HERC3: variants seen among roughly 807,000 people sequenced by gnomAD.
HERC3 encodes the protein probable E3 ubiquitin-protein ligase HERC3.
In HERC3, 58 loss-of-function variants were observed where a neutral mutation model predicts 129.9. That is an observed-to-expected ratio of 0.45 (90% CI 0.36 to 0.56). HERC3 has a LOEUF of 0.56. Ranked by LOEUF, HERC3 falls within the 20% of genes least tolerant of loss-of-function variation. HERC3 has a pLI of 0.00. For missense variants in HERC3, 835 were observed against 1,244.2 expected (o/e 0.67, Z 4.95); for synonymous variants, 430 against 451.0 (o/e 0.95, Z 0.59).
intron 23 of HERC3, chr4:88,690,468 A>G (rs1733961585): frequency 2.0e-6 from 2 of 985,274 alleles, no homozygotes; most frequent in African/African-American, 1.7e-5. Flanking sequence ...TAAGTTTCAG[A>G]CAAGATAATG....
the HERC3 span, among the ~76,000 whole-genome samples, chr4:88,560,522 C>G: frequency 1.3e-5 from 2 of 151,996 alleles, no homozygotes; most frequent in Non-Finnish European, 2.9e-5. Flanking sequence ...ATATTTTTTC[C>G]CAAACCATAG....
At chr4:88,655,432 A>G (rs1200294378) in intron 8 of HERC3, 128 bp downstream of exon 8, 13 of 1,046,624 alleles carry the variant, frequency 1.2e-5, no homozygotes, top group Admixed American at 1.1e-4. Context: ...ATGCACGCCT[A>G]TGGTGAAATG....
chr4:88,677,925 G>A, intron 18 of HERC3, 39 bp from the exon 19 acceptor site: 1 of 1,590,142 alleles, frequency 6.3e-7, no homozygotes, highest in Non-Finnish European at 8.6e-7. Flanking sequence ...ACTCACACGT[G>A]TGCTCTGAGT....
intron 25 of HERC3, 87 bp downstream of exon 25, chr4:88,704,697 A>C: frequency 1.3e-6 from 1 of 795,968 alleles, no homozygotes. Context: ...GCTGAGGCTT[A>C]ACTCATTTAA....
chr4:88,536,307 T>C, the HERC3 span, among the ~76,000 whole-genome samples: 1 of 152,198 alleles, frequency 6.6e-6, no homozygotes, highest in African/African-American at 2.4e-5. Context: ...CTTTACTCCA[T>C]TGTCCCTCTA....
In HERC3 at chr4:88,704,624, A is replaced by C; in HGVS notation, c.2944+14A>C. 7.0e-7 allele frequency: 1 copy of C among 1,436,296 alleles called. No individual in the cohort carries two copies. The highest frequency in any genetic ancestry group is 1.1e-5 in the South Asian group (1 of 87,328). The allele number at this position is 1,436,296 out of a possible 1,614,324, so 89.0% of individuals were successfully genotyped here. On this transcript the variant is annotated intron_variant, in intron 25 of 25. Coordinates refer to ENST00000402738, the MANE Select transcript of HERC3 (RefSeq NM_014606.3). ...AGAAGTTTCTCTGTAAGTATCAGTA[A>C]TCTCAATATGGTATTTGTCTACATT...
At chr4:88,633,094 A>G (rs1328557673) in intron 3 of HERC3, among the ~76,000 whole-genome samples, 1 of 152,238 alleles carries the variant, frequency 6.6e-6, no homozygotes, top group African/African-American at 2.4e-5. Context: ...AGAGCATAGA[A>G]AGAAGAGAAT....
At chr4:88,642,423 A>G (rs1728219138) in intron 3 of HERC3, among the ~76,000 whole-genome samples, 1 of 152,214 alleles carries the variant, frequency 6.6e-6, no homozygotes, top group Non-Finnish European at 1.5e-5. Flanking sequence ...TCTACCAACA[A>G]ATCTTATAGC....
the HERC3 span, among the ~76,000 whole-genome samples, chr4:88,580,744 A>G: frequency 6.6e-6 from 1 of 152,224 alleles, no homozygotes; most frequent in Non-Finnish European, 1.5e-5. Flanking sequence ...CACTTCAATT[A>G]TAATTCTCTT....
At chr4:88,550,455 T>C in the HERC3 span, among the ~76,000 whole-genome samples, 1 of 151,944 alleles carries the variant, frequency 6.6e-6, no homozygotes, top group African/African-American at 2.4e-5. Flanking sequence ...ACAAAATCAA[T>C]GTACAAAAAT....
At chr4:88,533,549 C>G in the HERC3 span, among the ~76,000 whole-genome samples, 2 of 152,210 alleles carry the variant, frequency 1.3e-5, no homozygotes, top group African/African-American at 4.8e-5. Flanking sequence ...TGCCCTTTCT[C>G]AAGGTTTTCC....
At chr4:88,615,943 G>A (rs754423875) in intron 3 of HERC3, among the ~76,000 whole-genome samples, 1 of 152,040 alleles carries the variant, frequency 6.6e-6, no homozygotes, top group Non-Finnish European at 1.5e-5. Flanking sequence ...TGCTATTCCA[G>A]CATATTAACA....
At chr4:88,525,235 G>A in the HERC3 span, among the ~76,000 whole-genome samples, 1 of 152,096 alleles carries the variant, frequency 6.6e-6, no homozygotes, top group Non-Finnish European at 1.5e-5. Flanking sequence ...AGTTACTAAC[G>A]GACTAGAGAA....
the HERC3 span, among the ~76,000 whole-genome samples, chr4:88,525,647 G>A: frequency 6.6e-6 from 1 of 152,212 alleles, no homozygotes; most frequent in Non-Finnish European, 1.5e-5. Flanking sequence ...TAACAGCAAA[G>A]TATTGAAAAC....
At chr4:88,619,492 A>G (rs1250217041) in intron 3 of HERC3, among the ~76,000 whole-genome samples, 1 of 152,180 alleles carries the variant, frequency 6.6e-6, no homozygotes, top group Non-Finnish European at 1.5e-5. Flanking sequence ...CAGATGTATG[A>G]AAGACATGAA....
intron 3 of HERC3, among the ~76,000 whole-genome samples, chr4:88,647,152 T>C (rs1309852495): frequency 6.6e-6 from 1 of 152,132 alleles, no homozygotes. Flanking sequence ...TCAATGGTCA[T>C]TGGAATCCAG....
intron 3 of HERC3, among the ~76,000 whole-genome samples, chr4:88,640,815 T>C (rs1728008571): frequency 6.6e-6 from 1 of 152,120 alleles, no homozygotes; most frequent in Admixed American, 6.6e-5. Context: ...AGCTTCAAAA[T>C]ACTTGAAACA....
At position 88,605,873 on chromosome 4, in the gene HERC3, A is replaced by G. The variant is rs1490131459; in HGVS notation, c.50A>G (p.Asn17Ser). 4 of 1,614,096 alleles carry G rather than the reference A, an allele frequency of 2.5e-6. No homozygotes were observed. Among genetic ancestry groups the G allele is most frequent in the East Asian group, 2.2e-5 (1 of 44,882 alleles). The change falls in exon 3 of 26, where the codon AAC becomes AGC. Residue 17 changes from asparagine (N) to serine (S), a missense_variant. By Grantham distance (46) the Asn-to-Ser change is conservative. Coordinates refer to ENST00000402738, the MANE Select transcript of HERC3 (RefSeq NM_014606.3). ...WSLGQPGIST[N>S]LQGIVAEPQV... ...CTGGGCCAACCTGGTATCAGCACCAACCTGCAGGGAATTGTGGCTGAGCCC... is the reference window on the plus strand; with the variant it reads ...CTGGGCCAACCTGGTATCAGCACCAGCCTGCAGGGAATTGTGGCTGAGCCC...
At chr4:88,691,001 G>A (rs1409404803) in intron 23 of HERC3, among the ~76,000 whole-genome samples, 4 of 152,212 alleles carry the variant, frequency 2.6e-5, no homozygotes, top group Non-Finnish European at 5.9e-5. Context: ...GTTCAGAGAA[G>A]TCAGCTTGGA....
Sources: allele counts gnomAD v4.1 joint callset (sites outside exome capture counted in the v4.1 genomes callset), GRCh38; gene constraint gnomAD v4.1.1; transcripts MANE v1.5; gene names NCBI Gene and HGNC (gene_info 2026-07-23, HGNC 2026-07-21).